The following OR8J3 variants were observed in gnomAD, a reference collection of about 807,000 sequenced individuals.
The protein encoded by OR8J3 is olfactory receptor family 8 subfamily J member 3, also known as olfactory receptor 8J3.
For missense variants in OR8J3, 418 were observed against 379.8 expected (o/e 1.10, Z -0.84); for synonymous variants, 170 against 142.6 (o/e 1.19, Z -1.37).
At position 56,137,798 on chromosome 11, in the gene OR8J3, A is replaced by T; in HGVS notation, c.-80T>A. The T allele has an allele frequency of 8.4e-7, 1 of 1,186,026 alleles. No individual in the cohort carries two copies. The highest frequency in any genetic ancestry group is 1.2e-6 in the Non-Finnish European group (1 of 835,706). 73.5% of individuals were successfully genotyped at this position (1,186,026 alleles called of 1,614,324 possible). ...TAAGGAATCATTTTCTAGGATTTCC[A>T]CTAGATGGCAAGGACAATTCCTGGG... On this transcript the variant is annotated 5_prime_UTR_variant, in exon 2 of 2. Transcript: ENST00000642058.
chr11:56,139,251 A>G (rs925816653), intron 1 of OR8J3, among the ~76,000 whole-genome samples: 2 of 152,214 alleles, frequency 1.3e-5, no homozygotes, highest in African/African-American at 4.8e-5. Context: ...CACAGATCTG[A>G]ATTTTAAAAG....
rs1175166141 is a variant in OR8J3 at position 56,136,147 on chromosome 11, A to C, written c.*624T>G. ...TACAAAGCAAACCCAGTATAAAAGC[A>C]TATTCAGTGATAGTAGTCTGAGCAT... On this transcript the variant is annotated 3_prime_UTR_variant, in exon 2 of 2. Coordinates refer to ENST00000642058, the MANE Select transcript of OR8J3 (RefSeq NM_001004064.2). The C allele has an allele frequency of 6.6e-6, 1 of 152,076 alleles. No individual in the cohort carries two copies. 9.4% of individuals were successfully genotyped at this position (152,076 alleles called of 1,614,324 possible). A position where few individuals can be genotyped will look rare whatever the true frequency, so the allele number is the denominator to read the frequency against.
In OR8J3 at chr11:56,137,191, A is replaced by G; in HGVS notation, c.528T>C (p.His176=). The G allele has an allele frequency of 1.2e-6, 2 of 1,614,040 alleles. No homozygotes were observed. Among genetic ancestry groups the G allele is most frequent in the Non-Finnish European group, 1.7e-6 (2 of 1,179,952 alleles). The change falls in exon 2 of 2, where the codon CAT becomes CAC. Residue 176 remains histidine (H), a synonymous_variant. Transcript: ENST00000642058. ...ACAGAGGTGCAATATCACAGTAAAA[A>G]TGATTGATTATATTAGAAGAGCAAT... ...VSYCSSNIIN[H]FYCDIAPLLA...
In OR8J3 at chr11:56,136,965, A is replaced by G. The variant is rs1489318251; in HGVS notation, c.754T>C (p.Tyr252His). 7 of 1,613,570 alleles carry G rather than the reference A, an allele frequency of 4.3e-6. No individual in the cohort carries two copies. The South Asian group carries it at 5.5e-5, about 13-fold the overall frequency. Residue 252 changes from tyrosine (Y) to histidine (H), a missense_variant, in exon 2 of 2, where the codon TAT becomes CAT. Tyr to His is a moderately conservative substitution (Grantham distance 83). Coordinates refer to ENST00000642058, the MANE Select transcript of OR8J3 (RefSeq NM_001004064.2). ...ASHMIAVTVF[Y>H]GTMLFMYLQP... Reference sequence around the variant, plus strand: ...AAATACATAAATAGCATTGTCCCATAGAAAACCGTGACTGCTATCATATGC... The same window carrying G: ...AAATACATAAATAGCATTGTCCCATGGAAAACCGTGACTGCTATCATATGC...
rs1042874898 is a variant in OR8J3, at chr11:56,136,042, A to G, written c.*729T>C. On this transcript the variant is annotated 3_prime_UTR_variant, in exon 2 of 2. Transcript: ENST00000642058. Reference sequence around the variant, plus strand: ...TTTTAAAGTTTATTAATATACAAAAATAGAACATTTGTTTTACCTATGAAG... The same window carrying G: ...TTTTAAAGTTTATTAATATACAAAAGTAGAACATTTGTTTTACCTATGAAG... 1 of 152,060 alleles carries G rather than the reference A, an allele frequency of 6.6e-6. No homozygotes were observed. The highest frequency in any genetic ancestry group is 2.4e-5 in the African/African-American group (1 of 41,456). The allele number at this position is 152,060 out of a possible 1,614,324, so 9.4% of individuals were successfully genotyped here.
chr11:56,137,151 A>G lies in OR8J3; in HGVS notation c.568T>C (p.Ser190Pro). The stretch of plus-strand genomic sequence containing the variant: ...ATTGTTTCTGGTATGTAAGTATCAG[A>G]GCAAGATAATGCTAACAGAGGTGCA... The part of the protein sequence containing the change: ...DIAPLLALSC[S>P]DTYIPETIVF... The change falls in exon 2 of 2, where the codon TCT (serine) becomes CCT (proline). Residue 190 changes from serine (S) to proline (P), a missense_variant. By Grantham distance (74) the Ser-to-Pro change is moderately conservative. Transcript: ENST00000642058. 1 of 1,613,698 alleles carries G rather than the reference A, an allele frequency of 6.2e-7. No individual in the cohort carries two copies. Among genetic ancestry groups the G allele is most frequent in the Non-Finnish European group, 8.5e-7 (1 of 1,179,810 alleles).
chr11:56,137,333 G>A lies in OR8J3; in HGVS notation c.386C>T (p.Pro129Leu). 6.2e-7 allele frequency: 1 copy of A among 1,614,016 alleles called. No homozygotes were observed. Among genetic ancestry groups the A allele is most frequent in the African/African-American group, 1.3e-5 (1 of 74,994 alleles). ...AGACACCACCACCATGTAGAGCAGA[G>A]GGTTACAAATGGCCACATAGCGGTC... ...AYDRYVAICN[P>L]LLYMVVVSRR... The change falls in exon 2 of 2, where the codon CCT (proline) becomes CTT (leucine). Residue 129 changes from proline to leucine, a missense_variant. Pro to Leu is a moderately conservative substitution (Grantham distance 98). Transcript: ENST00000642058.
rs930491972 is a variant in OR8J3 at position 56,137,138 on chromosome 11, A to G, written c.581T>C (p.Ile194Thr). 1 of 1,613,140 alleles carries G rather than the reference A, an allele frequency of 6.2e-7. No homozygotes were observed. Among genetic ancestry groups the G allele is most frequent in the Non-Finnish European group, 8.5e-7 (1 of 1,179,680 alleles). ...AGATATAAAGACTATTGTTTCTGGT[A>G]TGTAAGTATCAGAGCAAGATAATGC... ...LLALSCSDTY[I>T]PETIVFISAA... The change falls in exon 2 of 2, where the codon ATA (isoleucine) becomes ACA (threonine). Residue 194 changes from isoleucine (I) to threonine (T), a missense_variant. Ile to Thr is a moderately conservative substitution (Grantham distance 89, BLOSUM62 -1). Coordinates refer to ENST00000642058, the MANE Select transcript of OR8J3 (RefSeq NM_001004064.2).
Position 56,137,595 on chromosome 11 carries a change from TC to T in OR8J3, c.123del (p.Asn42ThrfsTer22), listed in dbSNP as rs762134119. The stretch of plus-strand genomic sequence containing the variant: ...CTGGTGAGGGTGATGATGCCCAGGT[TC>T]CCTGCCATGGTCAGCACATAGAGCA... ...FLVLYVLTMA[G>X]NLGIITLTSV... On this transcript the variant is annotated frameshift_variant, in exon 2 of 2. Transcript: ENST00000642058. LOFTEE classifies it low-confidence loss of function (END_TRUNC). The T allele has an allele frequency of 3.5e-5, 56 of 1,614,156 alleles. No individual in the cohort carries two copies. In the South Asian group the frequency reaches 5.5e-4, roughly 16 times the overall value.
chr11:56,138,650 C>A (rs542356716), intron 1 of OR8J3, among the ~76,000 whole-genome samples, 153 bp from the exon 2 acceptor site: 1 of 150,744 alleles, frequency 6.6e-6, no homozygotes, highest in Non-Finnish European at 1.5e-5. Flanking sequence ...GCCGAGATTG[C>A]GCCACTGCAC....
At position 56,139,742 on chromosome 11, in the gene OR8J3, G is replaced by T. The variant is rs1403870827; in HGVS notation, c.-780+431C>A. Among the ~76,000 whole-genome samples the T allele has an allele frequency of 2.0e-5, 3 of 152,226 alleles. No individual in the cohort carries two copies. The East Asian group carries it at 5.8e-4, about 29-fold the overall frequency. On this transcript the variant is annotated intron_variant, in intron 1 of 1. Transcript: ENST00000642058. ...ATACTTTTACAAGGAAGGCTCTTCT[G>T]AGAAGGTGGCATTTGAATTGAAACC...
rs1854319164 is a variant in OR8J3, at chr11:56,135,259, G to C, written c.*1512C>G. ...GAAAACGTATTCAGTGGAATCCAAA[G>C]ATGACCTTTTATAAAAAAAAAAATT... On this transcript the variant is annotated 3_prime_UTR_variant, in exon 2 of 2. Transcript: ENST00000642058. 9.2e-6 allele frequency: 1 copy of C among 108,480 alleles called. No homozygotes were observed. The highest frequency in any genetic ancestry group is 3.6e-5 in the African/African-American group (1 of 27,948). 6.7% of individuals were successfully genotyped at this position (108,480 alleles called of 1,614,324 possible).
intron 1 of OR8J3, among the ~76,000 whole-genome samples, 157 bp from the exon 2 acceptor site, chr11:56,138,654 A>G (rs142564593): frequency 0.031 from 4,646 of 151,124 alleles, 226 homozygotes; most frequent in African/African-American, 0.11. Flanking sequence ...AGATTGCGCC[A>G]CTGCACTCCA....
rs1854331465 is a variant in OR8J3, at chr11:56,136,566, A to G, written c.*205T>C. 2 of 358,908 alleles carry G rather than the reference A, an allele frequency of 5.6e-6. No individual in the cohort carries two copies. Among genetic ancestry groups the G allele is most frequent in the Non-Finnish European group, 9.9e-6 (2 of 202,736 alleles). 22.2% of individuals were successfully genotyped at this position (358,908 alleles called of 1,614,324 possible). On this transcript the variant is annotated 3_prime_UTR_variant, in exon 2 of 2. Transcript: ENST00000642058. ...TTTTATTCAAACTGGTTACCTGATT[A>G]TTTCTGGGCAAAGTTAATAAATAAT...
Position 56,137,911 on chromosome 11 carries a change from G to A in OR8J3, c.-193C>T, listed in dbSNP as rs553832603. On this transcript the variant is annotated 5_prime_UTR_variant, in exon 2 of 2. Transcript: ENST00000642058. ...AAATCAGCTTTGCAATCACTTGGGA[G>A]AGAGTAAAGCAAGTATGGTAAATTT... 2.7e-4 allele frequency: 154 copies of A among 568,398 alleles called. 1 individual carries two copies. The highest frequency in any genetic ancestry group is 2.5e-3 in the African/African-American group (132 of 53,274). The allele number at this position is 568,398 out of a possible 1,614,324, so 35.2% of individuals were successfully genotyped here.
rs1218456012 is a variant in OR8J3 at position 56,135,342 on chromosome 11, G to C, written c.*1429C>G. ...AATGAATTTGGGACTGTGGAAAAGT[G>C]ATTATGTTACCTCAAAAATCTCATC... On this transcript the variant is annotated 3_prime_UTR_variant, in exon 2 of 2. Coordinates refer to ENST00000642058, the MANE Select transcript of OR8J3 (RefSeq NM_001004064.2). 1.3e-5 allele frequency: 2 copies of C among 151,882 alleles called. No homozygotes were observed. Among genetic ancestry groups the C allele is most frequent in the Non-Finnish European group, 2.9e-5 (2 of 67,854 alleles). 9.4% of individuals were successfully genotyped at this position (151,882 alleles called of 1,614,324 possible).
rs796250073 is a variant in OR8J3, at chr11:56,137,219, G to T, written c.500C>A (p.Ser167Tyr). 1.2e-6 allele frequency: 2 copies of T among 1,614,034 alleles called. No individual in the cohort carries two copies. Among genetic ancestry groups the T allele is most frequent in the African/African-American group, 1.3e-5 (1 of 75,014 alleles). Residue 167 changes from serine (S) to tyrosine (Y), a missense_variant, in exon 2 of 2, where the codon TCT becomes TAT. Coordinates refer to ENST00000642058, the MANE Select transcript of OR8J3 (RefSeq NM_001004064.2). ...ATTGATTATATTAGAAGAGCAATAA[G>T]ACACAGAGAATATACAAGGTGAAAC... Reference protein sequence around the residue: ...IVVSPCIFSVSYCSSNIINHF... With the variant: ...IVVSPCIFSVYYCSSNIINHF...
Position 56,137,986 on chromosome 11 carries a change from T to G in OR8J3, c.-268A>C. On this transcript the variant is annotated 5_prime_UTR_variant, in exon 2 of 2. Coordinates refer to ENST00000642058, the MANE Select transcript of OR8J3 (RefSeq NM_001004064.2). The stretch of plus-strand genomic sequence containing the variant: ...TCAGCATCCTGCAACACTTTGAGGG[T>G]TTACTGCCTTGCAGTGTAATTGAAT... 1 of 436,866 alleles carries G rather than the reference T, an allele frequency of 2.3e-6. No homozygotes were observed. Among genetic ancestry groups the G allele is most frequent in the Non-Finnish European group, 4.1e-6 (1 of 246,544 alleles). 27.1% of individuals were successfully genotyped at this position (436,866 alleles called of 1,614,324 possible). A position where few individuals can be genotyped will look rare whatever the true frequency, so the allele number is the denominator to read the frequency against.
Position 56,137,601 on chromosome 11 carries a change from C to T in OR8J3, c.118G>A (p.Ala40Thr), listed in dbSNP as rs532923959. Residue 40 changes from alanine to threonine, a missense_variant, in exon 2 of 2, where the codon GCA becomes ACA. Coordinates refer to ENST00000642058, the MANE Select transcript of OR8J3 (RefSeq NM_001004064.2). ...VFLVLYVLTM[A>T]GNLGIITLTS... ...AGGGTGATGATGCCCAGGTTCCCTG[C>T]CATGGTCAGCACATAGAGCACTAGG... 2.3e-5 allele frequency: 37 copies of T among 1,614,130 alleles called. 1 individual carries two copies. The South Asian group carries it at 3.8e-4, about 17-fold the overall frequency.
Sources: gnomAD v4.1 joint callset for allele counts (sites outside exome capture counted in the v4.1 genomes callset) on GRCh38, gnomAD v4.1.1 for gene constraint, MANE v1.5 for transcripts, NCBI Gene and HGNC (gene_info 2026-07-23, HGNC 2026-07-21) for gene names.